Variants in RCC1 observed in about 807,000 individuals in gnomAD.
RCC1 encodes the protein regulator of chromosome condensation 1.
In RCC1, 11 loss-of-function variants were observed where a neutral mutation model predicts 44.4. The observed-to-expected ratio is 0.25, with a 90% CI of 0.16 to 0.41. The LOEUF is 0.41. RCC1 is among the 10% of genes least tolerant of loss of function. RCC1 has a pLI of 1.00. For missense variants in RCC1, 386 were observed against 547.1 expected, an observed-to-expected ratio of 0.71 and a Z score of 2.94; for synonymous variants, 213 against 216.5, an observed-to-expected ratio of 0.98 and a Z score of 0.14.
At chr1:28,530,527 G>T (rs1287480564) in intron 5 of RCC1, 2 of 1,602,994 alleles carry the variant, frequency 1.2e-6, no homozygotes, top group South Asian at 1.1e-5. Context: ...TTGCAGACAC[G>T]AGGGCCGCTG....
chr1:28,521,843 G>A (rs188665867), intron 4 of RCC1, among the ~76,000 whole-genome samples: 57 of 152,352 alleles, frequency 3.7e-4, no homozygotes, highest in Admixed American at 3.7e-3. Flanking sequence ...TGCCCAGACT[G>A]CCTTAGCCCC....
Position 28,532,080 on chromosome 1 carries a change from A to AAATGGAGCTGGCTAGTCAAGTGGGGAGTG in RCC1, c.262-90_262-62dup. ...TTTGAACCACGCATGTTCACTGTGGAAATGGAGCTGGCTAGTCAAGTGGGG... is the reference window on the plus strand; with the variant it reads ...TTTGAACCACGCATGTTCACTGTGGAAATGGAGCTGGCTAGTCAAGTGGGGAGTGAATGGAGCTGGCTAGTCAAGTGGGG... On this transcript the variant is annotated intron_variant, in intron 6 of 12. Transcript: ENST00000683442. 7 of 1,566,262 alleles carry AAATGGAGCTGGCTAGTCAAGTGGGGAGTG rather than the reference A, an allele frequency of 4.5e-6. No individual in the cohort carries two copies. In the Admixed American group the frequency reaches 1.3e-4, roughly 28 times the overall value.
At chr1:28,523,919 C>T (rs1663466147) in intron 4 of RCC1, among the ~76,000 whole-genome samples, 1 of 152,176 alleles carries the variant, frequency 6.6e-6, no homozygotes, top group South Asian at 2.1e-4. Context: ...TGGGTTCAAG[C>T]GATTCTCCTG....
At chr1:28,512,640 A>G (rs1159828951) in intron 3 of RCC1, among the ~76,000 whole-genome samples, 1 of 152,230 alleles carries the variant, frequency 6.6e-6, no homozygotes, top group Admixed American at 6.5e-5. Context: ...TTAGTGCTAT[A>G]AATTTCCTCC....
At chr1:28,511,404 T>G (rs6690392) in intron 3 of RCC1, among the ~76,000 whole-genome samples, 12 of 62,110 alleles carry the variant, frequency 1.9e-4, no homozygotes, top group African/African-American at 1.1e-3. Flanking sequence ...TTGTTTTTTG[T>G]TTTTTTTTTT....
chr1:28,536,702 T>C lies in RCC1; in HGVS notation c.938-45T>C, dbSNP rs372126099. The C allele has an allele frequency of 7.5e-6, 12 of 1,600,916 alleles. No individual in the cohort carries two copies. Among genetic ancestry groups the C allele is most frequent in the Non-Finnish European group, 9.4e-6 (11 of 1,171,750 alleles). ...CCTAGCCTGCCACCCATTTTGCCTG[T>C]AGCACGCCCTCTGCTATTGCTCATC... On this transcript the variant is annotated intron_variant, in intron 11 of 12. Transcript: ENST00000683442. This position sits in a 1 kb window ranked among gnomAD's most constrained non-coding sequence, Gnocchi z 4.9.
chr1:28,520,360 C>T (rs1039955678), intron 4 of RCC1, among the ~76,000 whole-genome samples: 1 of 152,178 alleles, frequency 6.6e-6, no homozygotes, highest in Non-Finnish European at 1.5e-5. Context: ...CACTGGAGGT[C>T]AGGGCAGGAG....
intron 4 of RCC1, 149 bp from the exon 5 acceptor site, chr1:28,529,708 TC>T: frequency 1.6e-6 from 1 of 636,924 alleles, no homozygotes; most frequent in East Asian, 2.8e-5. Flanking sequence ...TGTGGGTGCA[TC>T]CATTATTCTG....
At chr1:28,530,414 G>T in intron 5 of RCC1, 1 of 953,362 alleles carries the variant, frequency 1.0e-6, no homozygotes, top group Middle Eastern at 2.2e-4. Flanking sequence ...GGTGGCTGTG[G>T]TTTCCTCTGT....
chr1:28,513,395 A>G (rs535342584), intron 3 of RCC1, among the ~76,000 whole-genome samples: 1 of 152,026 alleles, frequency 6.6e-6, no homozygotes, highest in South Asian at 2.1e-4. Context: ...GGGTTTCACC[A>G]TGTTGCCCAG....
rs531467809 is a variant in RCC1 at position 28,532,366 on chromosome 1, A to C, written c.441+16A>C. 1.2e-5 allele frequency: 19 copies of C among 1,613,306 alleles called. No individual in the cohort carries two copies. The East Asian group carries it at 3.6e-4, about 30-fold the overall frequency. On this transcript the variant is annotated intron_variant, in intron 7 of 12. Transcript: ENST00000683442. ...CTCCTTCCGGGTAAGGCTGGGTCTG[A>C]AAGTCTGCATGGTCCCTGAAAGACA... is the stretch of plus-strand genomic sequence containing the variant.
chr1:28,509,769 G>A (rs1218024868), intron 3 of RCC1: 1 of 152,092 alleles, frequency 6.6e-6, no homozygotes, highest in African/African-American at 2.4e-5. Flanking sequence ...GTCCCCCTTG[G>A]GTTCACTTTA....
intron 4 of RCC1, among the ~76,000 whole-genome samples, chr1:28,528,038 G>A (rs955401995): frequency 1.3e-5 from 2 of 150,814 alleles, no homozygotes; most frequent in Non-Finnish European, 2.9e-5. Flanking sequence ...ACATGTAATC[G>A]GCTGTACGCA....
At chr1:28,530,388 G>C (rs561501799) in intron 5 of RCC1, 1 of 709,674 alleles carries the variant, frequency 1.4e-6, no homozygotes, top group South Asian at 1.8e-5. Context: ...ATAATGGCCT[G>C]GCAGCATTTG....
Position 28,536,610 on chromosome 1 carries a change from A to G in RCC1, c.938-137A>G. 8.5e-7 allele frequency: 1 copy of G among 1,177,872 alleles called. No individual in the cohort carries two copies. The highest frequency in any genetic ancestry group is 1.2e-6 in the Non-Finnish European group (1 of 829,388). The allele number at this position is 1,177,872 out of a possible 1,614,324, so 73.0% of individuals were successfully genotyped here. A position where few individuals can be genotyped will look rare whatever the true frequency, so the allele number is the denominator to read the frequency against. ...CTAGGCCTCCTCCAAAACTGGGAAGAGACACTGCAGATCTCCTTCTGATCG... is the reference window on the plus strand; with the variant it reads ...CTAGGCCTCCTCCAAAACTGGGAAGGGACACTGCAGATCTCCTTCTGATCG... On this transcript the variant is annotated intron_variant, in intron 11 of 12. Coordinates refer to ENST00000683442, the MANE Select transcript of RCC1 (RefSeq NM_001381865.2). This position sits in a 1 kb window ranked among gnomAD's most constrained non-coding sequence, Gnocchi z 4.9.
intron 1 of RCC1, chr1:28,506,400 G>T: frequency 2.9e-6 from 1 of 350,140 alleles, no homozygotes; most frequent in South Asian, 2.1e-5. Flanking sequence ...GGTCAGGCTG[G>T]TTTTGAACTC....
intron 6 of RCC1, 74 bp downstream of exon 6, chr1:28,532,064 C>G: frequency 6.4e-7 from 1 of 1,560,028 alleles, no homozygotes; most frequent in Non-Finnish European, 8.7e-7. Flanking sequence ...TTTTGAACCA[C>G]GCATGTTCAC....
rs1664241086 is a variant in RCC1 at position 28,532,475 on chromosome 1, G to A, written c.441+125G>A. On this transcript the variant is annotated intron_variant, in intron 7 of 12. Transcript: ENST00000683442. ...GTGGGGAGATGAAAGCCCACAGGTA[G>A]AGCTGAGGCCCAGACCCAGGACTCT... 2.9e-6 allele frequency: 3 copies of A among 1,049,232 alleles called. No homozygotes were observed. The Admixed American group carries it at 7.5e-5, about 26-fold the overall frequency. 65.0% of individuals were successfully genotyped at this position (1,049,232 alleles called of 1,614,324 possible).
intron 4 of RCC1, chr1:28,527,082 C>T: frequency 2.1e-6 from 2 of 957,658 alleles, no homozygotes; most frequent in Non-Finnish European, 3.4e-6. Flanking sequence ...TTTTGCTTGA[C>T]CGGAACCAGA....
Sources: allele counts gnomAD v4.1 joint callset (sites outside exome capture counted in the v4.1 genomes callset), GRCh38; gene constraint gnomAD v4.1.1; non-coding constraint Gnocchi (gnomAD v3.1); transcripts MANE v1.5; gene names NCBI Gene and HGNC (gene_info 2026-07-23, HGNC 2026-07-21).